The following GRID2 variants were observed in gnomAD, a reference collection of about 807,000 sequenced individuals.
The protein encoded by GRID2 is glutamate receptor ionotropic, delta-2.
A neutral mutation model predicts 114.8 loss-of-function variants in GRID2; 33 were observed. That is an observed-to-expected ratio of 0.29 (90% confidence interval 0.22 to 0.38). GRID2 has a LOEUF of 0.38. GRID2 is among the 10% of genes least tolerant of loss of function. The pLI is 1.00. For missense variants in GRID2, 1,184 were observed against 1,257.7 expected (o/e 0.94, Z 0.89); for synonymous variants, 505 against 449.9 (o/e 1.12, Z -1.55).
chr4:92,879,860 T>C (rs1453861941), intron 2 of GRID2, among the ~76,000 whole-genome samples: 2 of 152,236 alleles, frequency 1.3e-5, no homozygotes, highest in Admixed American at 6.5e-5. Flanking sequence ...AGTATGCAAC[T>C]GTTCTTTGGC....
At chr4:93,139,421 G>T (rs997742261) in intron 4 of GRID2, among the ~76,000 whole-genome samples, 4 of 152,098 alleles carry the variant, frequency 2.6e-5, no homozygotes, top group Non-Finnish European at 5.9e-5. Context: ...CACATAATCT[G>T]CCAGGTCAGG....
intron 8 of GRID2, among the ~76,000 whole-genome samples, chr4:93,317,894 A>T (rs551381640): frequency 4.7e-5 from 7 of 150,262 alleles, no homozygotes; most frequent in African/African-American, 1.7e-4. Flanking sequence ...CACTAAATAA[A>T]TATATATTTA....
Position 92,434,291 on chromosome 4 carries a change from T to G in GRID2, c.88+129547T>G, listed in dbSNP as rs193117057. On this transcript the variant is annotated intron_variant, in intron 1 of 15. Coordinates refer to ENST00000282020, the MANE Select transcript of GRID2 (RefSeq NM_001510.4). ...AAAGATGGTCCAGCCAAAGCAATTT[T>G]ATAAGTTTGTAGAGTGTAACAGAGG... is the stretch of plus-strand genomic sequence containing the variant. Among the ~76,000 whole-genome samples the G allele has an allele frequency of 2.6e-5, 4 of 152,308 alleles. No homozygotes were observed. In the East Asian group the frequency reaches 5.8e-4, roughly 22 times the overall value.
intron 8 of GRID2, among the ~76,000 whole-genome samples, chr4:93,295,585 T>TTCCTCCTCCTCCTCCTCCTCTCCCCGC (rs1400261621): frequency 1.8e-4 from 28 of 151,584 alleles, no homozygotes; most frequent in African/African-American, 6.8e-4. Context: ...ATATCTCCTC[T>TTCCTCCTCCTCCTCCTCCTCTCCCCGC]TCCTCCTCCT....
intron 2 of GRID2, among the ~76,000 whole-genome samples, chr4:92,823,867 G>A (rs539250151): frequency 3.3e-5 from 5 of 152,122 alleles, no homozygotes; most frequent in African/African-American, 1.2e-4. Context: ...TGCCTGACAG[G>A]TCGAACTGTT....
intron 4 of GRID2, among the ~76,000 whole-genome samples, chr4:93,126,745 C>T (rs530696177): frequency 1.1e-4 from 17 of 150,258 alleles, no homozygotes; most frequent in African/African-American, 4.2e-4. Context: ...CTACAGGCGC[C>T]CGCTACCACG....
chr4:93,592,682 G>T (rs1478779186), intron 13 of GRID2, among the ~76,000 whole-genome samples: 1 of 152,156 alleles, frequency 6.6e-6, no homozygotes, highest in Non-Finnish European at 1.5e-5. Context: ...CTATTAATGT[G>T]TGGGAGTCTA....
At chr4:92,386,909 A>G (rs1317106717) in intron 1 of GRID2, among the ~76,000 whole-genome samples, 1 of 151,910 alleles carries the variant, frequency 6.6e-6, no homozygotes, top group East Asian at 1.9e-4. Flanking sequence ...AATGATTCAC[A>G]TTCTATATAT....
rs150628995 is a variant in GRID2 at position 93,333,458 on chromosome 4, T to C, written c.1246-62149T>C. On this transcript the variant is annotated intron_variant, in intron 8 of 15. Transcript: ENST00000282020. Reference sequence around the variant, plus strand: ...TGTCTCTCCTTTACAAACAGTAACTTCCCACCATACATTTTTTTAAAATCA... The same window carrying C: ...TGTCTCTCCTTTACAAACAGTAACTCCCCACCATACATTTTTTTAAAATCA... Among the ~76,000 whole-genome samples the C allele has an allele frequency of 4.9e-3, 751 of 152,276 alleles. 10 individuals are homozygous for C. The highest frequency in any genetic ancestry group is 0.018 in the African/African-American group (731 of 41,564).
At chr4:92,799,178 A>T (rs1470604433) in intron 2 of GRID2, among the ~76,000 whole-genome samples, 1 of 152,004 alleles carries the variant, frequency 6.6e-6, no homozygotes, top group Non-Finnish European at 1.5e-5. Context: ...ATGGGCTGTG[A>T]TGGGAGACAG....
chr4:93,208,421 G>A (rs1021036113), intron 5 of GRID2, among the ~76,000 whole-genome samples: 1 of 151,826 alleles, frequency 6.6e-6, no homozygotes, highest in South Asian at 2.1e-4. Flanking sequence ...GTATTATCAG[G>A]TGCTCTTAAC....
At chr4:93,414,706 T>TATATATATATA (rs1560595949) in intron 9 of GRID2, among the ~76,000 whole-genome samples, 3 of 149,616 alleles carry the variant, frequency 2.0e-5, no homozygotes, top group Non-Finnish European at 4.4e-5. Flanking sequence ...TATATATATA[T>TATATATATATA]TTCCTTTTTT....
At chr4:92,893,741 G>A (rs989322071) in intron 2 of GRID2, among the ~76,000 whole-genome samples, 24 of 152,112 alleles carry the variant, frequency 1.6e-4, no homozygotes, top group African/African-American at 5.8e-4. Context: ...GAATGCAGTA[G>A]CACAAGACAT....
At chr4:92,482,699 A>G (rs551317097) in intron 1 of GRID2, among the ~76,000 whole-genome samples, 1 of 152,266 alleles carries the variant, frequency 6.6e-6, no homozygotes, top group African/African-American at 2.4e-5. Context: ...ATTGTTGCTC[A>G]ATTCTGGCTT....
chr4:92,710,994 T>G (rs1735218343), intron 2 of GRID2, among the ~76,000 whole-genome samples: 1 of 152,062 alleles, frequency 6.6e-6, no homozygotes, highest in Admixed American at 6.6e-5. Context: ...GGTTATTTAT[T>G]ATTTATAAAT....
At chr4:92,618,575 A>G (rs1249736643) in intron 2 of GRID2, among the ~76,000 whole-genome samples, 1 of 151,690 alleles carries the variant, frequency 6.6e-6, no homozygotes, top group Non-Finnish European at 1.5e-5. Flanking sequence ...CATTGAATCT[A>G]TAGGTTGCTT....
chr4:93,094,395 C>T (rs1731027443), intron 3 of GRID2, among the ~76,000 whole-genome samples: 1 of 151,810 alleles, frequency 6.6e-6, no homozygotes, highest in Admixed American at 6.6e-5. Flanking sequence ...GAGATTAAAG[C>T]TAAGAGACTA....
At chr4:93,009,149 G>T (rs1721860175) in intron 2 of GRID2, among the ~76,000 whole-genome samples, 1 of 152,110 alleles carries the variant, frequency 6.6e-6, no homozygotes, top group Admixed American at 6.6e-5. Context: ...TAAAAGAATG[G>T]AGATGAGGAA....
At chr4:93,475,709 C>T (rs959169200) in intron 11 of GRID2, among the ~76,000 whole-genome samples, 2 of 152,110 alleles carry the variant, frequency 1.3e-5, no homozygotes, top group Non-Finnish European at 2.9e-5. Context: ...CTGTTGACAA[C>T]TGCTGCTTAC....
Sources: allele counts gnomAD v4.1 joint callset (sites outside exome capture counted in the v4.1 genomes callset), GRCh38; gene constraint gnomAD v4.1.1; transcripts MANE v1.5; gene names NCBI Gene and HGNC (gene_info 2026-07-23, HGNC 2026-07-21).